Variants in ATF7 observed in about 807,000 individuals in gnomAD.
The protein encoded by ATF7 is cyclic AMP-dependent transcription factor ATF-7.
In ATF7, 10 loss-of-function variants were observed where a neutral mutation model predicts 50.4. That is an observed-to-expected ratio of 0.20 (90% CI 0.12 to 0.34). The LOEUF is 0.34. Ranked by LOEUF, ATF7 falls within the 10% of genes least tolerant of loss-of-function variation. The probability of loss-of-function intolerance (pLI) is 1.00; values close to 1 mark genes in which losing one functional copy is unlikely to be tolerated. For missense variants in ATF7, 465 were observed against 613.9 expected, an observed-to-expected ratio of 0.76 and a Z score of 2.56; for synonymous variants, 201 against 226.4, an observed-to-expected ratio of 0.89 and a Z score of 1.01.
At chr12:53,528,224 G>C (rs1041194954) in intron 9 of ATF7, among the ~76,000 whole-genome samples, 1 of 152,154 alleles carries the variant, frequency 6.6e-6, no homozygotes, top group Non-Finnish European at 1.5e-5. Context: ...TCAATTTAAT[G>C]AACTAGAGGC....
chr12:53,573,437 C>A (rs1490826174), intron 2 of ATF7, among the ~76,000 whole-genome samples: 2 of 152,184 alleles, frequency 1.3e-5, no homozygotes. Context: ...ATACCTAATA[C>A]AATGCCTACA....
intron 2 of ATF7, among the ~76,000 whole-genome samples, chr12:53,575,385 C>A (rs1391240704): frequency 1.4e-5 from 2 of 142,626 alleles, no homozygotes; most frequent in African/African-American, 5.3e-5. Context: ...CCAGCCTGGG[C>A]AACAAGAGCA....
intron 1 of ATF7, among the ~76,000 whole-genome samples, chr12:53,622,518 G>C (rs1593017966): frequency 6.6e-6 from 1 of 152,022 alleles, no homozygotes; most frequent in East Asian, 1.9e-4. Flanking sequence ...CTACTCGGGA[G>C]GTTGAGGCAG....
chr12:53,534,764 G>T (rs1435597562), intron 5 of ATF7, 105 bp from the exon 6 acceptor site: 13 of 1,288,290 alleles, frequency 1.0e-5, no homozygotes, highest in Non-Finnish European at 1.4e-5. Context: ...GAGCATTAGA[G>T]CCACTCATTA....
rs1942247304 is a variant in ATF7, at chr12:53,578,983, C to T, written c.48+21970G>A. On this transcript the variant is annotated intron_variant, in intron 2 of 11. Coordinates refer to ENST00000420353, the MANE Select transcript of ATF7 (RefSeq NM_006856.3). ...AGTGTGGATGCCAGATGTGGTGCCT[C>T]ACACACAACAGCACTTTGGGAGCCT... Among the ~76,000 whole-genome samples the T allele has an allele frequency of 2.6e-5, 4 of 152,020 alleles. No homozygotes were observed. The South Asian group carries it at 6.2e-4, about 24-fold the overall frequency.
intron 2 of ATF7, among the ~76,000 whole-genome samples, chr12:53,565,017 C>G (rs915665592): frequency 6.6e-6 from 1 of 151,956 alleles, no homozygotes; most frequent in Non-Finnish European, 1.5e-5. Flanking sequence ...ATTATACAGA[C>G]CAATGGTATA....
chr12:53,533,181 T>C lies in ATF7; in HGVS notation c.639A>G (p.Val213=). 1 of 1,613,672 alleles carries C rather than the reference T, an allele frequency of 6.2e-7. No homozygotes were observed. The highest frequency in any genetic ancestry group is 8.5e-7 in the Non-Finnish European group (1 of 1,179,646). ...TCACCGATATAACAGACGGCATCTG[T>C]ACTGGAGGCCCTGGCAACACAGGCA... ...QTMPVLPGPP[V]QMPSVISLAR... Residue 213 remains valine (V), a synonymous_variant, in exon 7 of 12, where the codon GTA becomes GTG. Coordinates refer to ENST00000420353, the MANE Select transcript of ATF7 (RefSeq NM_006856.3).
At chr12:53,606,292 TAG>T (rs1232824547) in intron 1 of ATF7, among the ~76,000 whole-genome samples, 1 of 151,990 alleles carries the variant, frequency 6.6e-6, no homozygotes, top group African/African-American at 2.4e-5. Context: ...TTGCCCAGGT[TAG>T]AGTGAGTGCA....
At chr12:53,535,954 G>A (rs999248788) in intron 5 of ATF7, among the ~76,000 whole-genome samples, 1 of 151,988 alleles carries the variant, frequency 6.6e-6, no homozygotes, top group African/African-American at 2.4e-5. Context: ...GGAGGCAGAC[G>A]TTGCAGTGAG....
At chr12:53,558,065 T>C (rs1940861130) in intron 2 of ATF7, among the ~76,000 whole-genome samples, 1 of 152,234 alleles carries the variant, frequency 6.6e-6, no homozygotes, top group African/African-American at 2.4e-5. Flanking sequence ...ATCTAGATAA[T>C]ATGCTCCAAG....
intron 2 of ATF7, among the ~76,000 whole-genome samples, chr12:53,599,345 T>C (rs549014963): frequency 2.7e-4 from 41 of 152,164 alleles, no homozygotes; most frequent in South Asian, 6.2e-4. Context: ...CTAGGAGAGA[T>C]CATTTTTAGA....
At chr12:53,529,019 T>C (rs1217324900) in intron 9 of ATF7, among the ~76,000 whole-genome samples, 1 of 151,952 alleles carries the variant, frequency 6.6e-6, no homozygotes, top group African/African-American at 2.4e-5. Context: ...GCGGGAGGAC[T>C]GCTTGAGTCC....
At chr12:53,575,574 C>CAAAAAAAAAAAAAAAAA (rs150259793) in intron 2 of ATF7, 1 of 103,568 alleles carries the variant, frequency 9.7e-6, no homozygotes. Flanking sequence ...ATGCAGTCTC[C>CAAAAAAAAAAAAAAAAA]AAAAAAAAAA....
At chr12:53,511,038 C>G (rs1240516786), downstream of ATF7, among the ~76,000 whole-genome samples, 2 of 152,216 alleles carry the variant, frequency 1.3e-5, no homozygotes, top group Non-Finnish European at 2.9e-5. Context: ...CAAACACCAG[C>G]CACAGATAGC....
chr12:53,616,298 C>G (rs901200029), intron 1 of ATF7, among the ~76,000 whole-genome samples: 2 of 152,164 alleles, frequency 1.3e-5, no homozygotes, highest in African/African-American at 4.8e-5. Flanking sequence ...TGTCAGCTCA[C>G]TGAAACCCCC....
At chr12:53,590,347 A>G (rs1942887879) in intron 2 of ATF7, among the ~76,000 whole-genome samples, 1 of 152,228 alleles carries the variant, frequency 6.6e-6, no homozygotes, top group Non-Finnish European at 1.5e-5. Context: ...GTATAGAAGT[A>G]CAAGAGTTTA....
chr12:53,512,369 C>T lies in ATF7; in HGVS notation c.*4768G>A, dbSNP rs1201008363. On this transcript the variant is annotated 3_prime_UTR_variant, in exon 12 of 12. Transcript: ENST00000420353. Reference sequence around the variant, plus strand: ...ACCTGTCAAAGGCCACCACTGGGCACTGGGGAGACCCAGACCGAGTTGAGT... The same window carrying T: ...ACCTGTCAAAGGCCACCACTGGGCATTGGGGAGACCCAGACCGAGTTGAGT... The T allele has an allele frequency of 6.6e-6, 1 of 152,240 alleles. No individual in the cohort carries two copies. The highest frequency in any genetic ancestry group is 1.9e-4 in the East Asian group (1 of 5,194). 9.4% of individuals were successfully genotyped at this position (152,240 alleles called of 1,614,324 possible). A position where few individuals can be genotyped will look rare whatever the true frequency, so the allele number is the denominator to read the frequency against.
intron 9 of ATF7, among the ~76,000 whole-genome samples, chr12:53,528,040 A>C (rs1480460565): frequency 4.0e-5 from 6 of 151,618 alleles, no homozygotes; most frequent in African/African-American, 1.5e-4. Flanking sequence ...ACAGGGTTTC[A>C]CCGTGTTAGC....
rs1388988040 is a variant in ATF7 at position 53,524,390 on chromosome 12, C to T, written c.1125+174G>A. Among the ~76,000 whole-genome samples, 4 of 152,288 alleles carry T rather than the reference C, an allele frequency of 2.6e-5. No individual in the cohort carries two copies. Among genetic ancestry groups the T allele is most frequent in the Non-Finnish European group, 5.9e-5 (4 of 68,020 alleles). On this transcript the variant is annotated intron_variant, in intron 10 of 11. Coordinates refer to ENST00000420353, the MANE Select transcript of ATF7 (RefSeq NM_006856.3). This position sits in a 1 kb window ranked among gnomAD's most constrained non-coding sequence, Gnocchi z 4.6. ...TGGGGGTAGATGGTGAGTGTCTTCA[C>T]CAATACCTATGAAAGAGATTTCAAC...
Sources: allele counts gnomAD v4.1 joint callset (sites outside exome capture counted in the v4.1 genomes callset), GRCh38; gene constraint gnomAD v4.1.1; non-coding constraint Gnocchi (gnomAD v3.1); transcripts MANE v1.5; gene names NCBI Gene and HGNC (gene_info 2026-07-23, HGNC 2026-07-21).